SETBP1: variants seen among roughly 807,000 people sequenced by gnomAD.
SETBP1 encodes the protein SET binding protein 1, also known as SET-binding protein.
In SETBP1, 9 loss-of-function variants were observed where a neutral mutation model predicts 101.0. The observed-to-expected ratio is 0.09, with a 90% CI of 0.05 to 0.16. SETBP1 has a LOEUF of 0.16. Ranked by LOEUF, SETBP1 falls within the 10% of genes least tolerant of loss-of-function variation. SETBP1 has a pLI of 1.00. For missense variants in SETBP1, 1,858 were observed against 2,033.8 expected (o/e 0.91, Z 1.66); for synonymous variants, 818 against 788.5 (o/e 1.04, Z -0.63).
intron 4 of SETBP1, among the ~76,000 whole-genome samples, chr18:45,003,193 A>G (rs2145341351): frequency 6.6e-6 from 1 of 152,346 alleles, no homozygotes; most frequent in South Asian, 2.1e-4. Context: ...AGAAAACAAA[A>G]ATATGCAAAC....
At chr18:44,789,098 C>A (rs928574688) in intron 2 of SETBP1, among the ~76,000 whole-genome samples, 2 of 152,030 alleles carry the variant, frequency 1.3e-5, no homozygotes, top group African/African-American at 2.4e-5. Context: ...CCACCGCACC[C>A]GGCTTCCTCC....
intron 2 of SETBP1, among the ~76,000 whole-genome samples, chr18:44,814,359 T>C (rs752839666): frequency 6.6e-6 from 1 of 152,184 alleles, no homozygotes; most frequent in Non-Finnish European, 1.5e-5. Flanking sequence ...AGAAAACAGA[T>C]AGCAAATTAA....
At chr18:44,700,185 C>G (rs1307990777) in intron 1 of SETBP1, among the ~76,000 whole-genome samples, 4 of 151,982 alleles carry the variant, frequency 2.6e-5, no homozygotes, top group African/African-American at 4.8e-5. Context: ...AATAATAGAA[C>G]GTGGGGTGAA....
intron 3 of SETBP1, among the ~76,000 whole-genome samples, chr18:44,879,047 C>T (rs748192920): frequency 6.6e-6 from 1 of 152,182 alleles, no homozygotes; most frequent in Non-Finnish European, 1.5e-5. Flanking sequence ...TAAAAATATG[C>T]ACCAGAGTTA....
At chr18:44,924,343 G>C (rs999901852) in intron 3 of SETBP1, among the ~76,000 whole-genome samples, 1 of 152,144 alleles carries the variant, frequency 6.6e-6, no homozygotes, top group Middle Eastern at 3.2e-3. Flanking sequence ...TCAGTGCAGG[G>C]GAGCTCTAGA....
chr18:44,988,573 G>A (rs1413372909), intron 4 of SETBP1: 2 of 152,190 alleles, frequency 1.3e-5, no homozygotes, highest in Non-Finnish European at 2.9e-5. Context: ...CAAAGAGGTA[G>A]CTAGCCTTAA....
At chr18:44,982,625 T>A (rs78854090) in intron 4 of SETBP1, among the ~76,000 whole-genome samples, 1 of 152,220 alleles carries the variant, frequency 6.6e-6, no homozygotes, top group African/African-American at 2.4e-5. Flanking sequence ...TAGATAAATA[T>A]AGAGACTGAA....
chr18:44,912,083 G>A (rs144459221), intron 3 of SETBP1, among the ~76,000 whole-genome samples: 5 of 152,262 alleles, frequency 3.3e-5, no homozygotes, highest in African/African-American at 9.6e-5. Context: ...CTGTTTCTGA[G>A]GGAAGTGGCA....
chr18:45,067,962 A>T lies in SETBP1; in HGVS notation c.*4264A>T, dbSNP rs929044371. ...TTCTTTTTCTTCCTTTTTTTAAAAA[A>T]AATCTATTTCTTAAATAATAATAAA... On this transcript the variant is annotated 3_prime_UTR_variant, in exon 6 of 6. Transcript: ENST00000649279. The T allele has an allele frequency of 6.6e-6, 1 of 152,208 alleles. No individual in the cohort carries two copies. The highest frequency in any genetic ancestry group is 2.4e-5 in the African/African-American group (1 of 41,444). 9.4% of individuals were successfully genotyped at this position (152,208 alleles called of 1,614,324 possible). A position where few individuals can be genotyped will look rare whatever the true frequency, so the allele number is the denominator to read the frequency against.
chr18:45,039,318 A>AGTGCCTCCCACCAGCCCCT (rs1167905164), intron 5 of SETBP1, among the ~76,000 whole-genome samples: 2 of 152,128 alleles, frequency 1.3e-5, no homozygotes, highest in Non-Finnish European at 2.9e-5. Context: ...TGTTCCCCAC[A>AGTGCCTCCCACCAGCCCCT]GTGCCTCCCA....
chr18:44,886,478 AT>A (rs1374022500), intron 3 of SETBP1, among the ~76,000 whole-genome samples: 1 of 151,948 alleles, frequency 6.6e-6, no homozygotes, highest in Admixed American at 6.6e-5. Flanking sequence ...TCGTCTTCTT[AT>A]TTTTTTGATT....
intron 4 of SETBP1, among the ~76,000 whole-genome samples, chr18:45,006,533 C>T (rs2072731434): frequency 6.6e-6 from 1 of 152,162 alleles, no homozygotes; most frequent in South Asian, 2.1e-4. Context: ...ATGCTTCTCT[C>T]CTTGCATTTG....
At chr18:44,986,256 A>T (rs986951820) in intron 4 of SETBP1, 2 of 152,202 alleles carry the variant, frequency 1.3e-5, no homozygotes, top group African/African-American at 2.4e-5. Context: ...AACATAGAAA[A>T]GGTACAGCAA....
chr18:45,025,229 A>G (rs1413407162), intron 4 of SETBP1, among the ~76,000 whole-genome samples: 1 of 152,178 alleles, frequency 6.6e-6, no homozygotes, highest in Non-Finnish European at 1.5e-5. Context: ...AATCCCAGGC[A>G]CCTCTGTAAT....
At chr18:44,998,036 C>T (rs547170045) in intron 4 of SETBP1, among the ~76,000 whole-genome samples, 3 of 152,188 alleles carry the variant, frequency 2.0e-5, no homozygotes, top group East Asian at 3.8e-4. Flanking sequence ...TAGCACCACA[C>T]GCAAAAGGCA....
intron 4 of SETBP1, among the ~76,000 whole-genome samples, chr18:45,000,793 A>AACACACACAC (rs113870439): frequency 0.07 from 10,269 of 146,698 alleles, 471 homozygotes; most frequent in African/African-American, 0.12. Flanking sequence ...GAATGCACAC[A>AACACACACAC]ACACACACAC....
Position 45,065,682 on chromosome 18 carries a change from C to G in SETBP1, c.*1984C>G, listed in dbSNP as rs2073956807. 1 of 152,228 alleles carries G rather than the reference C, an allele frequency of 6.6e-6. No individual in the cohort carries two copies. Among genetic ancestry groups the G allele is most frequent in the Admixed American group, 6.5e-5 (1 of 15,280 alleles). 9.4% of individuals were successfully genotyped at this position (152,228 alleles called of 1,614,324 possible). A position where few individuals can be genotyped will look rare whatever the true frequency, so the allele number is the denominator to read the frequency against. ...TGGACTTCACATCATTTGCTGCCCACTAGTTCAATCGCATTTAATCCTAGC... is the reference window on the plus strand; with the variant it reads ...TGGACTTCACATCATTTGCTGCCCAGTAGTTCAATCGCATTTAATCCTAGC... On this transcript the variant is annotated 3_prime_UTR_variant, in exon 6 of 6. Coordinates refer to ENST00000649279, the MANE Select transcript of SETBP1 (RefSeq NM_015559.3).
chr18:44,786,196 T>C (rs1283545080), intron 2 of SETBP1, among the ~76,000 whole-genome samples: 1 of 152,224 alleles, frequency 6.6e-6, no homozygotes, highest in African/African-American at 2.4e-5. Flanking sequence ...AAATGCAATG[T>C]TTTAGTTATT....
chr18:44,902,122 C>T (rs2070061557), intron 3 of SETBP1, among the ~76,000 whole-genome samples: 1 of 152,122 alleles, frequency 6.6e-6, no homozygotes, highest in Non-Finnish European at 1.5e-5. Context: ...TTCAAGTACT[C>T]AGTAGTTCGA....
Sources: gnomAD v4.1 joint callset for allele counts (sites outside exome capture counted in the v4.1 genomes callset) on GRCh38, gnomAD v4.1.1 for gene constraint, MANE v1.5 for transcripts, NCBI Gene and HGNC (gene_info 2026-07-23, HGNC 2026-07-21) for gene names.